Variants in PCDH15 observed in about 807,000 individuals in gnomAD.
PCDH15 encodes protocadherin related 15.
Under a neutral mutation model 178.5 loss-of-function variants are expected in PCDH15, and 129 were observed. The ratio of observed to expected loss-of-function variants is 0.72; its 90% confidence interval spans 0.63 to 0.84. PCDH15 has a LOEUF of 0.84. PCDH15 is among the 40% of genes least tolerant of loss of function. The probability of loss-of-function intolerance (pLI) is 0.00; values close to 1 mark genes in which losing one functional copy is unlikely to be tolerated. For missense variants in PCDH15, 2,230 were observed against 2,099.9 expected (o/e 1.06, Z -1.21); for synonymous variants, 800 against 732.0 (o/e 1.09, Z -1.50).
rs1953350484 is a variant in PCDH15, at chr10:54,838,148, T to C, written c.-29+59302A>G. On this transcript the variant is annotated intron_variant, in intron 3 of 5. Coordinates refer to the PCDH15 transcript ENST00000458638. ...GGTCCTGTAACCCAGTTCCAGCCCCTGCCAGCTAGAGTCTAGGTCTGGGAT... is the reference window on the plus strand; with the variant it reads ...GGTCCTGTAACCCAGTTCCAGCCCCCGCCAGCTAGAGTCTAGGTCTGGGAT... Among the ~76,000 whole-genome samples the C allele has an allele frequency of 2.6e-5, 4 of 152,092 alleles. No individual in the cohort carries two copies. The East Asian group carries it at 5.8e-4, about 22-fold the overall frequency.
At chr10:55,497,110 A>C (rs1840551794) in intron 2 of PCDH15, among the ~76,000 whole-genome samples, 1 of 151,776 alleles carries the variant, frequency 6.6e-6, no homozygotes, top group African/African-American at 2.4e-5. Context: ...AGGTAATAAA[A>C]TATCAGAATA....
chr10:55,431,539 C>G (rs1022082558), intron 2 of PCDH15, among the ~76,000 whole-genome samples: 1 of 152,102 alleles, frequency 6.6e-6, no homozygotes, highest in Non-Finnish European at 1.5e-5. Flanking sequence ...TATATGATAT[C>G]ACTGGAATTA....
intron 1 of PCDH15, among the ~76,000 whole-genome samples, chr10:54,667,042 T>C (rs1459553953): frequency 6.6e-6 from 1 of 152,014 alleles, no homozygotes; most frequent in South Asian, 2.1e-4. Flanking sequence ...TGCATATTTC[T>C]GAAAGCATCA....
chr10:55,051,083 G>T (rs753710710), intron 2 of PCDH15, among the ~76,000 whole-genome samples: 1 of 152,122 alleles, frequency 6.6e-6, no homozygotes, highest in Admixed American at 6.5e-5. Flanking sequence ...TACTTTGCTT[G>T]AAATCATCTG....
intron 1 of PCDH15, among the ~76,000 whole-genome samples, chr10:55,266,426 G>C (rs1020622810): frequency 2.0e-5 from 3 of 152,186 alleles, no homozygotes; most frequent in Non-Finnish European, 4.4e-5. Context: ...AGAGGGGGGA[G>C]ATGACACAGG....
intron 18 of PCDH15, among the ~76,000 whole-genome samples, chr10:54,050,743 G>A (rs2093753329): frequency 6.6e-6 from 1 of 152,086 alleles, no homozygotes; most frequent in African/African-American, 2.4e-5. Flanking sequence ...TACTTTTGCT[G>A]CATCGCTGAG....
intron 1 of PCDH15, among the ~76,000 whole-genome samples, chr10:54,715,120 T>A (rs2095464919): frequency 6.6e-6 from 1 of 152,140 alleles, no homozygotes; most frequent in Admixed American, 6.6e-5. Flanking sequence ...AGTAAATATA[T>A]CTGTTTTAGT....
intron 2 of PCDH15, among the ~76,000 whole-genome samples, chr10:54,612,379 CTAAGA>C (rs2092991198): frequency 6.6e-6 from 1 of 151,742 alleles, no homozygotes; most frequent in African/African-American, 2.4e-5. Context: ...CAGCTATTCA[CTAAGA>C]TAAAAGGATC....
At chr10:55,079,777 C>T (rs568476112) in intron 2 of PCDH15, among the ~76,000 whole-genome samples, 111 of 152,190 alleles carry the variant, frequency 7.3e-4, no homozygotes, top group African/African-American at 2.5e-3. Context: ...ATATGGTGCG[C>T]GTGAGTGATC....
At chr10:55,600,890 T>A (rs560804840) in intron 2 of PCDH15, among the ~76,000 whole-genome samples, 169 of 152,184 alleles carry the variant, frequency 1.1e-3, no homozygotes, top group Middle Eastern at 3.4e-3. Flanking sequence ...TTTATTTATT[T>A]ATTTATTTAT....
chr10:55,585,556 A>C (rs1842710455), intron 2 of PCDH15, among the ~76,000 whole-genome samples: 1 of 152,112 alleles, frequency 6.6e-6, no homozygotes, highest in African/African-American at 2.4e-5. Flanking sequence ...GGGCGCCTGT[A>C]GTCCCAGCTA....
chr10:54,753,992 TTATTA>T (rs1946716402), intron 1 of PCDH15, among the ~76,000 whole-genome samples: 1 of 104,096 alleles, frequency 9.6e-6, no homozygotes, highest in African/African-American at 3.3e-5. Context: ...TTTTTTATTA[TTATTA>T]TTTTTTATTT....
At chr10:54,826,663 T>C (rs1052244877) in intron 3 of PCDH15, among the ~76,000 whole-genome samples, 1 of 151,960 alleles carries the variant, frequency 6.6e-6, no homozygotes, top group Non-Finnish European at 1.5e-5. Flanking sequence ...CAGTGGGTCA[T>C]AATTTTCTGT....
chr10:54,483,986 T>A (rs979359022), intron 3 of PCDH15, among the ~76,000 whole-genome samples: 1 of 151,882 alleles, frequency 6.6e-6, no homozygotes, highest in East Asian at 1.9e-4. Flanking sequence ...ACAAGCTATG[T>A]TAGGTTATAG....
intron 2 of PCDH15, among the ~76,000 whole-genome samples, chr10:54,929,474 T>C (rs553523383): frequency 2.0e-5 from 3 of 152,302 alleles, no homozygotes; most frequent in East Asian, 3.9e-4. Flanking sequence ...GATTTTGGTA[T>C]AGACATTACT....
At chr10:54,179,861 G>A (rs567657237) in intron 13 of PCDH15, among the ~76,000 whole-genome samples, 102 of 152,256 alleles carry the variant, frequency 6.7e-4, no homozygotes, top group African/African-American at 2.4e-3. Flanking sequence ...TGCGAATAGT[G>A]TTTATGGAGC....
At chr10:54,510,969 T>C (rs959539888) in intron 3 of PCDH15, among the ~76,000 whole-genome samples, 5 of 152,124 alleles carry the variant, frequency 3.3e-5, no homozygotes, top group Non-Finnish European at 7.4e-5. Context: ...ATGACTTTTG[T>C]GAGTTTGTAT....
At chr10:54,870,628 A>G (rs1173024234) in intron 3 of PCDH15, among the ~76,000 whole-genome samples, 1 of 151,862 alleles carries the variant, frequency 6.6e-6, no homozygotes, top group Non-Finnish European at 1.5e-5. Context: ...TACTAAAAAT[A>G]CAAAAAAATT....
intron 8 of PCDH15, among the ~76,000 whole-genome samples, chr10:54,268,102 T>A (rs1011832832): frequency 2.0e-5 from 3 of 151,614 alleles, no homozygotes; most frequent in Admixed American, 6.6e-5. Context: ...TGGAACAGAA[T>A]AGAGAATCCA....
Sources: gnomAD v4.1 joint callset for allele counts (sites outside exome capture counted in the v4.1 genomes callset) on GRCh38, gnomAD v4.1.1 for gene constraint, MANE v1.5 for transcripts, NCBI Gene and HGNC (gene_info 2026-07-23, HGNC 2026-07-21) for gene names.